AOPEP: variants seen among roughly 807,000 people sequenced by gnomAD.
AOPEP encodes aminopeptidase O (putative), also known as aminopeptidase O.
A neutral mutation model predicts 98.1 loss-of-function variants in AOPEP; 77 were observed. That is an observed-to-expected ratio of 0.78 (90% CI 0.65 to 0.95). The LOEUF is 0.95. Among genes scored for constraint, AOPEP ranks in the 40% least tolerant of loss-of-function variants. The pLI is 0.00. For synonymous variants in AOPEP, 346 were observed against 365.3 expected (o/e 0.95, Z 0.60); for missense variants, 1,024 against 1,024.7 (o/e 1.00, Z 0.01).
chr9:95,148,973 AAAC>A, the AOPEP span, among the ~76,000 whole-genome samples: 2 of 152,206 alleles, frequency 1.3e-5, no homozygotes, highest in Non-Finnish European at 2.9e-5. Flanking sequence ...ACTTCAACCA[AAAC>A]AACACGTCCC....
At chr9:95,089,066 A>C (rs1370389905), downstream of AOPEP, among the ~76,000 whole-genome samples, 3 of 152,210 alleles carry the variant, frequency 2.0e-5, no homozygotes, top group African/African-American at 7.2e-5. Context: ...GAGGCTCTGC[A>C]ACTGCCCTCG....
intron 13 of AOPEP, among the ~76,000 whole-genome samples, chr9:95,057,317 G>T (rs2133874862): frequency 6.6e-6 from 1 of 152,368 alleles, no homozygotes; most frequent in African/African-American, 2.4e-5. Flanking sequence ...TGGCCTAGAA[G>T]TCATGTGAAG....
At chr9:95,093,811 A>G in the AOPEP span, among the ~76,000 whole-genome samples, 4 of 152,110 alleles carry the variant, frequency 2.6e-5, no homozygotes, top group African/African-American at 9.7e-5. Flanking sequence ...CTGTAACTCG[A>G]GAGGCAGTGA....
At chr9:94,797,429 C>CAAAAA (rs536953016) in intron 4 of AOPEP, among the ~76,000 whole-genome samples, 1 of 97,512 alleles carries the variant, frequency 1.0e-5, no homozygotes, top group African/African-American at 4.1e-5. Flanking sequence ...GACTCCGTCT[C>CAAAAA]AAAAAAAAAA....
intron 7 of AOPEP, among the ~76,000 whole-genome samples, chr9:94,950,466 AG>A: frequency 1.3e-5 from 2 of 152,156 alleles, no homozygotes; most frequent in East Asian, 3.9e-4. Context: ...CTTGGGTCCA[AG>A]CCCTCACCCA....
chr9:95,111,436 A>G, the AOPEP span: 1 of 1,606,226 alleles, frequency 6.2e-7, no homozygotes, highest in Non-Finnish European at 8.5e-7. Context: ...CCCACCCCAA[A>G]CACATGCAGT....
At chr9:95,111,226 T>G in the AOPEP span, 1 of 1,536,872 alleles carries the variant, frequency 6.5e-7, no homozygotes, top group Non-Finnish European at 8.7e-7. Flanking sequence ...AGGGTCTTCG[T>G]TTTGCAGGAG....
chr9:95,060,699 TC>T lies in AOPEP; in HGVS notation c.2123del (p.Pro708GlnfsTer17). 6.2e-7 allele frequency: 1 copy of T among 1,611,534 alleles called. No homozygotes were observed. Among genetic ancestry groups the T allele is most frequent in the East Asian group, 2.2e-5 (1 of 44,866 alleles). On this transcript the variant is annotated frameshift_variant, in exon 14 of 17. Coordinates refer to ENST00000375315, the MANE Select transcript of AOPEP (RefSeq NM_001193329.3). LOFTEE classifies it high-confidence loss of function. ...CTGTTTGGTTTTGTCTTTAGCTTCT[TC>T]CAGACCAGCTGGTCTTGCTTCTGGA... ...EKEEVFEKLL[P>X]DQLVLLLEHL... is the part of the protein sequence containing the mutation.
chr9:95,000,429 C>T (rs752535478), intron 11 of AOPEP, among the ~76,000 whole-genome samples: 4 of 151,952 alleles, frequency 2.6e-5, no homozygotes, highest in Non-Finnish European at 2.9e-5. Context: ...AATAGATGGC[C>T]GGTCACGGTG....
Position 95,021,046 on chromosome 9 carries a change from A to G in AOPEP, c.2115+15430A>G, listed in dbSNP as rs117967057. Among the ~76,000 whole-genome samples, 55 of 151,976 alleles carry G rather than the reference A, an allele frequency of 3.6e-4. 1 individual carries two copies. Among genetic ancestry groups the G allele is most frequent in the East Asian group, 2.9e-3 (15 of 5,170 alleles). On this transcript the variant is annotated intron_variant, in intron 13 of 16. Coordinates refer to ENST00000375315, the MANE Select transcript of AOPEP (RefSeq NM_001193329.3). ...GCTGGTATTTGTAAATATATATGTT[A>G]GTATTGTTTTCTAAAATGCAAAGCT...
At chr9:95,047,885 T>C (rs1174863088) in intron 13 of AOPEP, among the ~76,000 whole-genome samples, 2 of 152,232 alleles carry the variant, frequency 1.3e-5, no homozygotes, top group African/African-American at 4.8e-5. Flanking sequence ...ATTTTGTTTT[T>C]TTCTGATTTT....
intron 5 of AOPEP, among the ~76,000 whole-genome samples, chr9:94,891,727 C>G (rs370899978): frequency 1.1e-4 from 16 of 152,264 alleles, no homozygotes; most frequent in East Asian, 5.8e-4. Context: ...AGTGTTATAA[C>G]TTTTGTTCAA....
chr9:95,147,766 C>G, the AOPEP span, among the ~76,000 whole-genome samples: 2 of 152,064 alleles, frequency 1.3e-5, no homozygotes, highest in Admixed American at 1.3e-4. Context: ...CATTCAGAGT[C>G]TGAAGAAAAA....
At chr9:95,144,146 GC>G in the AOPEP span, among the ~76,000 whole-genome samples, 2 of 145,188 alleles carry the variant, frequency 1.4e-5, no homozygotes, top group African/African-American at 5.0e-5. Context: ...GGGGGGCTGG[GC>G]GCGGCTGGTA....
At chr9:95,101,646 G>C in the AOPEP span, 1 of 1,605,992 alleles carries the variant, frequency 6.2e-7, no homozygotes, top group African/African-American at 1.3e-5. Flanking sequence ...GTCATCACCT[G>C]TCCTGTGGCC....
chr9:94,802,540 T>C (rs1848418130), intron 5 of AOPEP, among the ~76,000 whole-genome samples: 1 of 152,220 alleles, frequency 6.6e-6, no homozygotes, highest in African/African-American at 2.4e-5. Flanking sequence ...TGTTTGCTGC[T>C]TTTTGCGATA....
chr9:94,903,142 G>A (rs2050645457), intron 5 of AOPEP, among the ~76,000 whole-genome samples: 3 of 151,580 alleles, frequency 2.0e-5, no homozygotes, highest in Non-Finnish European at 4.4e-5. Context: ...CACCACACTC[G>A]GCTAATTTTT....
At chr9:94,774,093 A>G (rs1412962336) in intron 3 of AOPEP, among the ~76,000 whole-genome samples, 1 of 152,058 alleles carries the variant, frequency 6.6e-6, no homozygotes, top group African/African-American at 2.4e-5. Flanking sequence ...TTTATTTAAA[A>G]TATGGCATCT....
chr9:94,924,302 G>A lies in AOPEP; in HGVS notation c.1554+127G>A, dbSNP rs1334429032. 1.2e-5 allele frequency: 8 copies of A among 641,916 alleles called. No individual in the cohort carries two copies. The East Asian group carries it at 2.4e-4, about 19-fold the overall frequency. 39.8% of individuals were successfully genotyped at this position (641,916 alleles called of 1,614,324 possible). The stretch of plus-strand genomic sequence containing the variant: ...AGGCACAAATTTTGCTGGGGAGATG[G>A]CTGCATAAATAAGAGAGGGAAGCCC... On this transcript the variant is annotated intron_variant, in intron 6 of 16. Coordinates refer to ENST00000375315, the MANE Select transcript of AOPEP (RefSeq NM_001193329.3).
Sources: allele counts gnomAD v4.1 joint callset (sites outside exome capture counted in the v4.1 genomes callset), GRCh38; gene constraint gnomAD v4.1.1; transcripts MANE v1.5; gene names NCBI Gene and HGNC (gene_info 2026-07-23, HGNC 2026-07-21).